The following NALF1 variants were observed in gnomAD, a reference collection of about 807,000 sequenced individuals.
NALF1 encodes NALCN channel auxiliary factor 1.
Under a neutral mutation model 48.4 loss-of-function variants are expected in NALF1, and 3 were observed. That is an observed-to-expected ratio of 0.06 (90% CI 0.03 to 0.16). The LOEUF (loss-of-function observed/expected upper bound fraction) is 0.16. Among genes scored for constraint, NALF1 ranks in the 10% least tolerant of loss-of-function variants. NALF1 has a pLI of 1.00. For missense variants in NALF1, 526 were observed against 571.5 expected, an observed-to-expected ratio of 0.92 and a Z score of 0.81; for synonymous variants, 262 against 245.7, an observed-to-expected ratio of 1.07 and a Z score of -0.62.
intron 1 of NALF1, among the ~76,000 whole-genome samples, chr13:107,765,099 G>A (rs988380171): frequency 7.2e-5 from 11 of 152,038 alleles, no homozygotes; most frequent in Admixed American, 1.3e-4. Flanking sequence ...CTGAATGATC[G>A]TTACAACTGA....
At position 107,554,098 on chromosome 13, in the gene NALF1, T is replaced by G. The variant is rs539300109; in HGVS notation, c.915+311584A>C. Among the ~76,000 whole-genome samples, 6 of 152,074 alleles carry G rather than the reference T, an allele frequency of 3.9e-5. No individual in the cohort carries two copies. In the East Asian group the frequency reaches 1.2e-3, roughly 29 times the overall value. ...GAGCTCATGCAGCTGTATGGGTAAG[T>G]GGGTGACATGACAGCAAGCTCCTGA... is the stretch of plus-strand genomic sequence containing the variant. On this transcript the variant is annotated intron_variant, in intron 1 of 2. Coordinates refer to ENST00000375915, the MANE Select transcript of NALF1 (RefSeq NM_001080396.3).
intron 1 of NALF1, among the ~76,000 whole-genome samples, chr13:107,746,596 A>G (rs1000517788): frequency 1.3e-5 from 2 of 152,220 alleles, no homozygotes; most frequent in Admixed American, 1.3e-4. Flanking sequence ...GAATTTTACT[A>G]TCAAGAAACA....
At chr13:107,576,856 A>G (rs557149572) in intron 1 of NALF1, among the ~76,000 whole-genome samples, 1 of 152,282 alleles carries the variant, frequency 6.6e-6, no homozygotes, top group East Asian at 1.9e-4. Flanking sequence ...GGATTGACTT[A>G]CCAATTGTTC....
rs75484375 is a variant in NALF1, at chr13:107,662,461, T to C, written c.915+203221A>G. 5.3e-4 allele frequency among the ~76,000 whole-genome samples: 80 copies of C among 152,310 alleles called. No homozygotes were observed. The East Asian group carries it at 0.014, about 28-fold the overall frequency. On this transcript the variant is annotated intron_variant, in intron 1 of 2. Coordinates refer to ENST00000375915, the MANE Select transcript of NALF1 (RefSeq NM_001080396.3). ...AACAGTGTTGCCTGTTAATGCTTTC[T>C]GTTAATAGGGAAAATTAACCCTGAT... is the stretch of plus-strand genomic sequence containing the variant.
intron 1 of NALF1, among the ~76,000 whole-genome samples, chr13:107,767,205 TACA>T (rs1005988684): frequency 1.3e-5 from 2 of 152,248 alleles, no homozygotes; most frequent in Non-Finnish European, 2.9e-5. Context: ...CATTGAAATC[TACA>T]ACATGTGACC....
chr13:107,716,472 A>G (rs1390902945), intron 1 of NALF1, among the ~76,000 whole-genome samples: 1 of 152,234 alleles, frequency 6.6e-6, no homozygotes, highest in Non-Finnish European at 1.5e-5. Context: ...CAGTTCATCC[A>G]GGGGCACAGC....
intron 1 of NALF1, among the ~76,000 whole-genome samples, chr13:107,532,146 A>G (rs555678337): frequency 8.9e-4 from 136 of 152,116 alleles, no homozygotes; most frequent in African/African-American, 3.0e-3. Context: ...AGTTTCTTGC[A>G]GACAACCAAG....
At chr13:107,468,924 A>G (rs911997918) in intron 1 of NALF1, among the ~76,000 whole-genome samples, 3 of 152,144 alleles carry the variant, frequency 2.0e-5, no homozygotes, top group African/African-American at 7.2e-5. Context: ...ATATTTTATG[A>G]TTATCTAATA....
intron 1 of NALF1, among the ~76,000 whole-genome samples, chr13:107,521,940 C>CAG (rs1169191888): frequency 6.7e-6 from 1 of 148,678 alleles, no homozygotes; most frequent in African/African-American, 2.5e-5. Context: ...CACACACACA[C>CAG]ATACACACAC....
intron 1 of NALF1, among the ~76,000 whole-genome samples, chr13:107,683,802 A>G (rs1881362729): frequency 2.0e-5 from 3 of 152,134 alleles, no homozygotes; most frequent in Non-Finnish European, 4.4e-5. Flanking sequence ...TGGAAGGGTC[A>G]CTTGCGATTT....
chr13:107,554,106 A>C (rs1452117769), intron 1 of NALF1, among the ~76,000 whole-genome samples: 1 of 152,224 alleles, frequency 6.6e-6, no homozygotes, highest in Non-Finnish European at 1.5e-5. Flanking sequence ...AGTGGGTGAC[A>C]TGACAGCAAG....
intron 1 of NALF1, among the ~76,000 whole-genome samples, chr13:107,346,250 T>C (rs1284640039): frequency 6.6e-6 from 1 of 152,110 alleles, no homozygotes; most frequent in African/African-American, 2.4e-5. Context: ...AGAACTCCCA[T>C]ATGATCCAGC....
chr13:107,802,837 A>T (rs147925489), intron 1 of NALF1, among the ~76,000 whole-genome samples: 201 of 152,328 alleles, frequency 1.3e-3, no homozygotes, highest in African/African-American at 4.1e-3. Flanking sequence ...ACTACATTTT[A>T]TTAGTTTGAA....
intron 1 of NALF1, among the ~76,000 whole-genome samples, chr13:107,731,114 G>C (rs1876296917): frequency 6.6e-6 from 1 of 152,112 alleles, no homozygotes; most frequent in Admixed American, 6.6e-5. Context: ...TGTTGTTTTT[G>C]CTGTGGTCTT....
intron 1 of NALF1, among the ~76,000 whole-genome samples, chr13:107,783,873 TAAA>T (rs66692507): frequency 7.5e-6 from 1 of 133,076 alleles, no homozygotes; most frequent in Non-Finnish European, 1.6e-5. Flanking sequence ...AAATAAAAAT[TAAA>T]AAAAAAAAAA....
intron 1 of NALF1, among the ~76,000 whole-genome samples, chr13:107,840,622 G>C (rs1880018612): frequency 6.6e-6 from 1 of 152,176 alleles, no homozygotes. Context: ...GACACATGCA[G>C]CTGCAAATTA....
intron 1 of NALF1, among the ~76,000 whole-genome samples, chr13:107,772,750 T>C (rs1262829518): frequency 6.6e-6 from 1 of 152,208 alleles, no homozygotes; most frequent in Non-Finnish European, 1.5e-5. Flanking sequence ...ATTAGCCTGT[T>C]AGAAGCCTAT....
chr13:107,569,990 T>C (rs1877939604), intron 1 of NALF1, among the ~76,000 whole-genome samples: 1 of 152,178 alleles, frequency 6.6e-6, no homozygotes, highest in Non-Finnish European at 1.5e-5. Flanking sequence ...AAAATCTCTG[T>C]TTCAATTTGT....
intron 1 of NALF1, among the ~76,000 whole-genome samples, chr13:107,685,877 G>C (rs1170610520): frequency 6.6e-6 from 1 of 152,242 alleles, no homozygotes; most frequent in East Asian, 1.9e-4. Context: ...TCTGTTCTGA[G>C]TCCTCGGTGT....
Sources: gnomAD v4.1 joint callset for allele counts (sites outside exome capture counted in the v4.1 genomes callset) on GRCh38, gnomAD v4.1.1 for gene constraint, MANE v1.5 for transcripts, NCBI Gene and HGNC (gene_info 2026-07-23, HGNC 2026-07-21) for gene names.